TANC1: variants seen among roughly 807,000 people sequenced by gnomAD.
The protein encoded by TANC1 is protein TANC1.
TANC1 carries 77 observed loss-of-function variants against 149.7 expected under a neutral mutation model. The observed-to-expected ratio is 0.51, with a 90% CI of 0.43 to 0.62. The LOEUF (loss-of-function observed/expected upper bound fraction) is 0.62. Among genes scored for constraint, TANC1 ranks in the 20% least tolerant of loss-of-function variants. The probability of loss-of-function intolerance (pLI) is 0.00; values close to 1 mark genes in which losing one functional copy is unlikely to be tolerated. For missense variants in TANC1, 1,985 were observed against 2,321.8 expected (o/e 0.85, Z 2.98); for synonymous variants, 854 against 925.0 (o/e 0.92, Z 1.39).
At chr2:159,033,445 G>A (rs2039940708) in intron 2 of TANC1, among the ~76,000 whole-genome samples, 1 of 152,206 alleles carries the variant, frequency 6.6e-6, no homozygotes, top group Non-Finnish European at 1.5e-5. Flanking sequence ...TGGGCTCCAG[G>A]TGTGATTGCC....
chr2:159,054,243 C>T (rs1298992513), intron 2 of TANC1, among the ~76,000 whole-genome samples: 1 of 152,160 alleles, frequency 6.6e-6, no homozygotes, highest in Admixed American at 6.5e-5. Flanking sequence ...GGGCAAGTCA[C>T]TAGCTTGTCT....
intron 16 of TANC1, among the ~76,000 whole-genome samples, chr2:159,193,869 C>G (rs1309882651): frequency 6.6e-6 from 1 of 151,706 alleles, no homozygotes; most frequent in African/African-American, 2.4e-5. Flanking sequence ...ATTTTCACAT[C>G]AGGGCCTTGC....
Position 159,127,879 on chromosome 2 carries a change from A to C in TANC1, c.260-8315A>C, listed in dbSNP as rs568311891. ...GGAACTTAAGATACAATTTGGAAAA[A>C]AGGAGCATGGCTCCAGTTTGATATA... On this transcript the variant is annotated intron_variant, in intron 4 of 26. Transcript: ENST00000263635. Among the ~76,000 whole-genome samples the C allele has an allele frequency of 7.2e-5, 11 of 152,360 alleles. No individual in the cohort carries two copies. In the East Asian group the frequency reaches 2.1e-3, roughly 29 times the overall value.
At chr2:159,152,774 G>A (rs190617855) in intron 7 of TANC1, among the ~76,000 whole-genome samples, 1 of 152,304 alleles carries the variant, frequency 6.6e-6, no homozygotes, top group Non-Finnish European at 1.5e-5. Flanking sequence ...ATGAGCCGCT[G>A]TGCCCGGCCC....
intron 2 of TANC1, among the ~76,000 whole-genome samples, chr2:159,008,989 C>A (rs2037496277): frequency 6.6e-6 from 1 of 151,932 alleles, no homozygotes; most frequent in Non-Finnish European, 1.5e-5. Context: ...TTCTTAGTTT[C>A]CTATTGATCT....
At chr2:159,218,677 T>G (rs563222136) in intron 20 of TANC1, among the ~76,000 whole-genome samples, 100 of 152,330 alleles carry the variant, frequency 6.6e-4, no homozygotes, top group Non-Finnish European at 9.8e-4. Flanking sequence ...TATGCATGGT[T>G]GAAAGGCATA....
intron 2 of TANC1, among the ~76,000 whole-genome samples, chr2:159,043,595 A>G (rs1409483199): frequency 2.6e-5 from 4 of 152,298 alleles, no homozygotes; most frequent in African/African-American, 9.6e-5. Context: ...TCCTAATTTT[A>G]TTGACTTGTG....
At chr2:159,062,285 T>C (rs543385752) in intron 2 of TANC1, among the ~76,000 whole-genome samples, 4 of 152,202 alleles carry the variant, frequency 2.6e-5, no homozygotes, top group East Asian at 3.9e-4. Flanking sequence ...CATACACATA[T>C]AGTAAAAAAG....
intron 14 of TANC1, among the ~76,000 whole-genome samples, chr2:159,181,130 A>G (rs1416680155): frequency 1.3e-5 from 2 of 152,024 alleles, no homozygotes; most frequent in Non-Finnish European, 2.9e-5. Context: ...TGATATACCA[A>G]TCTTCTTTTT....
intron 5 of TANC1, chr2:159,148,548 T>C (rs979794439): frequency 6.6e-6 from 1 of 152,288 alleles, no homozygotes; most frequent in African/African-American, 2.4e-5. Context: ...AGTTTCACTG[T>C]GATTTTAAAT....
intron 4 of TANC1, among the ~76,000 whole-genome samples, chr2:159,131,163 C>A (rs1005031841): frequency 6.6e-6 from 1 of 152,034 alleles, no homozygotes; most frequent in African/African-American, 2.4e-5. Flanking sequence ...GTGGGAGATA[C>A]GTCTCTGGCC....
Position 158,973,797 on chromosome 2 carries a change from A to G in TANC1, c.-126+5015A>G, listed in dbSNP as rs552353897. ...TATGAAGATTCTTAATGTTGTTGTG[A>G]TGTACACCCCTGTAGTCTTGAGGGC... On this transcript the variant is annotated intron_variant, in intron 1 of 26. Transcript: ENST00000263635. Among the ~76,000 whole-genome samples the G allele has an allele frequency of 2.6e-5, 4 of 152,304 alleles. 1 individual carries two copies. Among genetic ancestry groups the G allele is most frequent in the African/African-American group, 9.6e-5 (4 of 41,568 alleles).
chr2:159,129,985 T>G (rs1372565121), intron 4 of TANC1, among the ~76,000 whole-genome samples: 2 of 152,060 alleles, frequency 1.3e-5, no homozygotes, highest in East Asian at 1.9e-4. Flanking sequence ...GAATCTACAT[T>G]TGAAGCCTGT....
intron 2 of TANC1, among the ~76,000 whole-genome samples, chr2:159,041,121 G>T (rs11903059): frequency 0.039 from 5,929 of 152,270 alleles, 266 homozygotes; most frequent in East Asian, 0.16. Flanking sequence ...TTGCAGAACA[G>T]CAAATATTGC....
intron 2 of TANC1, among the ~76,000 whole-genome samples, chr2:159,060,350 C>T (rs886553538): frequency 2.0e-5 from 3 of 152,172 alleles, no homozygotes; most frequent in Non-Finnish European, 4.4e-5. Flanking sequence ...TTCATTAGAG[C>T]GTGCACAGAG....
intron 4 of TANC1, among the ~76,000 whole-genome samples, chr2:159,102,714 T>G (rs2046852094): frequency 4.1e-5 from 1 of 24,338 alleles, no homozygotes; most frequent in African/African-American, 1.2e-4. Flanking sequence ...GATATTTGCT[T>G]TTTTTTTTTT....
rs1181401552 is a variant in TANC1 at position 159,219,327 on chromosome 2, G to C, written c.3468G>C (p.Gly1156=). The C allele has an allele frequency of 2.5e-6, 4 of 1,614,008 alleles. No homozygotes were observed. In the African/African-American group the frequency reaches 5.3e-5, roughly 22 times the overall value. Residue 1156 remains glycine (G), a synonymous_variant, in exon 21 of 27, where the codon GGG becomes GGC. Transcript: ENST00000263635. The part of the protein sequence containing the change: ...RTPLMVAACE[G]HLSTVEFLLS... Reference sequence around the variant, plus strand: ...CCCTCATGGTGGCTGCTTGTGAAGGGCACTTGAGCACCGTGGAATTCCTCC... The same window carrying C: ...CCCTCATGGTGGCTGCTTGTGAAGGCCACTTGAGCACCGTGGAATTCCTCC...
At chr2:159,206,696 T>G (rs902302995) in intron 19 of TANC1, among the ~76,000 whole-genome samples, 1 of 152,236 alleles carries the variant, frequency 6.6e-6, no homozygotes, top group Non-Finnish European at 1.5e-5. Context: ...TGTTTCTTCT[T>G]GAAATGATAT....
intron 4 of TANC1, among the ~76,000 whole-genome samples, chr2:159,103,808 C>A (rs1482644236): frequency 2.1e-5 from 2 of 96,962 alleles, no homozygotes; most frequent in African/African-American, 5.7e-5. Context: ...CCCTGATCCT[C>A]CATGCTGTCC....
Sources: allele counts gnomAD v4.1 joint callset (sites outside exome capture counted in the v4.1 genomes callset), GRCh38; gene constraint gnomAD v4.1.1; transcripts MANE v1.5; gene names NCBI Gene and HGNC (gene_info 2026-07-23, HGNC 2026-07-21).